The following SGCD variants were observed in gnomAD, a reference collection of about 807,000 sequenced individuals.
SGCD encodes the protein delta-sarcoglycan.
A neutral mutation model predicts 36.6 loss-of-function variants in SGCD; 18 were observed. The ratio of observed to expected loss-of-function variants is 0.49; its 90% CI spans 0.34 to 0.73. The LOEUF (loss-of-function observed/expected upper bound fraction) is 0.73, where lower values mean the gene tolerates loss of function less well. Ranked by LOEUF, SGCD falls within the 30% of genes least tolerant of loss-of-function variation. SGCD has a pLI of 0.01. For synonymous variants in SGCD, 133 were observed against 130.6 expected, an observed-to-expected ratio of 1.02 and a Z score of -0.12; for missense variants, 387 against 346.7, an observed-to-expected ratio of 1.12 and a Z score of -0.92.
chr5:156,120,442 G>T (rs1437316394), intron 2 of SGCD, among the ~76,000 whole-genome samples: 1 of 152,126 alleles, frequency 6.6e-6, no homozygotes, highest in African/African-American at 2.4e-5. Flanking sequence ...GCAACGTTAG[G>T]AAATTACAAA....
the SGCD span, among the ~76,000 whole-genome samples, chr5:155,823,001 T>C: frequency 6.6e-6 from 1 of 152,158 alleles, no homozygotes; most frequent in Admixed American, 6.6e-5. Context: ...TCCTTGTCTC[T>C]GTCTGTATCT....
At chr5:155,947,886 T>G (rs1757471040) in intron 1 of SGCD, among the ~76,000 whole-genome samples, 1 of 151,934 alleles carries the variant, frequency 6.6e-6, no homozygotes, top group Non-Finnish European at 1.5e-5. Context: ...TGAACTTGCG[T>G]AAGACACAAG....
At chr5:156,562,019 C>T (rs1489354690) in intron 4 of SGCD, among the ~76,000 whole-genome samples, 1 of 152,166 alleles carries the variant, frequency 6.6e-6, no homozygotes, top group Non-Finnish European at 1.5e-5. Flanking sequence ...AAACAAATGA[C>T]TCTTCATATA....
At chr5:156,121,428 G>A (rs943227593) in intron 2 of SGCD, among the ~76,000 whole-genome samples, 1 of 152,030 alleles carries the variant, frequency 6.6e-6, no homozygotes, top group Non-Finnish European at 1.5e-5. Context: ...GTTCCACAGT[G>A]GTGGAACCGG....
intron 1 of SGCD, among the ~76,000 whole-genome samples, chr5:156,069,959 G>C (rs1760488782): frequency 6.6e-6 from 1 of 151,982 alleles, no homozygotes; most frequent in African/African-American, 2.4e-5. Context: ...AAGACTGCTT[G>C]TGATTTTTGT....
At chr5:156,497,752 T>C (rs79833695) in intron 3 of SGCD, among the ~76,000 whole-genome samples, 1 of 151,950 alleles carries the variant, frequency 6.6e-6, no homozygotes, top group African/African-American at 2.4e-5. Flanking sequence ...ATTAACATCA[T>C]TGGCCAAAGA....
chr5:156,590,997 A>G (rs537149368), intron 5 of SGCD, among the ~76,000 whole-genome samples: 15 of 151,968 alleles, frequency 9.9e-5, no homozygotes, highest in Admixed American at 1.3e-4. Flanking sequence ...CTGTCTCCCT[A>G]TGATGAATTC....
intron 3 of SGCD, among the ~76,000 whole-genome samples, chr5:156,209,032 G>A (rs945920195): frequency 2.0e-5 from 3 of 152,154 alleles, no homozygotes; most frequent in Non-Finnish European, 4.4e-5. Context: ...CGAGTAGAGG[G>A]AAGTGAGCAC....
intron 1 of SGCD, among the ~76,000 whole-genome samples, chr5:156,095,231 C>T (rs920786123): frequency 6.6e-6 from 1 of 152,176 alleles, no homozygotes; most frequent in Non-Finnish European, 1.5e-5. Context: ...ACGCAAATCT[C>T]ACCACATAGC....
chr5:155,983,212 G>T (rs1581026340), intron 1 of SGCD, among the ~76,000 whole-genome samples: 1 of 152,150 alleles, frequency 6.6e-6, no homozygotes, highest in Non-Finnish European at 1.5e-5. Flanking sequence ...ATATATGTTA[G>T]ATCCTCTTAC....
At chr5:155,732,877 A>G in the SGCD span, among the ~76,000 whole-genome samples, 1 of 152,226 alleles carries the variant, frequency 6.6e-6, no homozygotes, top group Non-Finnish European at 1.5e-5. Flanking sequence ...GCTTCCAGCC[A>G]AATAGAAATA....
At chr5:156,652,079 G>A (rs1031342731) in intron 7 of SGCD, among the ~76,000 whole-genome samples, 1 of 152,046 alleles carries the variant, frequency 6.6e-6, no homozygotes, top group African/African-American at 2.4e-5. Context: ...TATTACTCGT[G>A]TATAGAAATG....
intron 3 of SGCD, among the ~76,000 whole-genome samples, chr5:156,497,644 T>TCTCACA (rs768823725): frequency 2.8e-5 from 4 of 141,534 alleles, no homozygotes; most frequent in Non-Finnish European, 6.1e-5. Flanking sequence ...TCTCTCTCTC[T>TCTCACA]CACACACACA....
chr5:156,648,232 A>C (rs917695889), intron 7 of SGCD, among the ~76,000 whole-genome samples: 5 of 150,724 alleles, frequency 3.3e-5, no homozygotes, highest in African/African-American at 1.2e-4. Flanking sequence ...CAAGTTATTC[A>C]TCATAACTGT....
intron 1 of SGCD, among the ~76,000 whole-genome samples, chr5:156,090,711 G>A (rs920267741): frequency 1.3e-5 from 2 of 152,116 alleles, no homozygotes; most frequent in Non-Finnish European, 2.9e-5. Context: ...GGAGACCAGG[G>A]TGTATTTCAT....
At chr5:156,731,782 A>C (rs960451652) in intron 7 of SGCD, among the ~76,000 whole-genome samples, 6 of 152,132 alleles carry the variant, frequency 3.9e-5, no homozygotes, top group Admixed American at 3.9e-4. Flanking sequence ...CTATTTTCAC[A>C]ATATTGATTC....
chr5:156,576,128 A>T (rs577573873), intron 4 of SGCD, among the ~76,000 whole-genome samples: 9 of 151,426 alleles, frequency 5.9e-5, no homozygotes, highest in Non-Finnish European at 8.8e-5. Context: ...CCTGTGTCCA[A>T]GTGTTCTCCT....
chr5:155,918,997 T>A (rs1212589237), intron 1 of SGCD, among the ~76,000 whole-genome samples: 1 of 152,274 alleles, frequency 6.6e-6, no homozygotes, highest in Non-Finnish European at 1.5e-5. Context: ...CTGATTGATA[T>A]GCATTGTTTC....
intron 6 of SGCD, among the ~76,000 whole-genome samples, chr5:156,646,277 G>A (rs1362393001): frequency 6.6e-6 from 1 of 152,202 alleles, no homozygotes; most frequent in Non-Finnish European, 1.5e-5. Flanking sequence ...TGCCACCGCT[G>A]CCTGTCAGAA....
Sources: allele counts gnomAD v4.1 joint callset (sites outside exome capture counted in the v4.1 genomes callset), GRCh38; gene constraint gnomAD v4.1.1; transcripts MANE v1.5; gene names NCBI Gene and HGNC (gene_info 2026-07-23, HGNC 2026-07-21).